MAML3: variants seen among roughly 807,000 people sequenced by gnomAD.
MAML3 encodes the protein mastermind like transcriptional coactivator 3.
Under a neutral mutation model 101.9 loss-of-function variants are expected in MAML3, and 27 were observed. The observed-to-expected ratio is 0.27, with a 90% confidence interval of 0.20 to 0.37. The LOEUF (loss-of-function observed/expected upper bound fraction) is 0.37. Among genes scored for constraint, MAML3 ranks in the 10% least tolerant of loss-of-function variants. The pLI is 1.00. For synonymous variants in MAML3, 501 were observed against 555.9 expected, an observed-to-expected ratio of 0.90 and a Z score of 1.39; for missense variants, 1,316 against 1,444.9, an observed-to-expected ratio of 0.91 and a Z score of 1.45.
intron 1 of MAML3, among the ~76,000 whole-genome samples, chr4:140,136,294 TA>T (rs1158857914): frequency 1.3e-5 from 2 of 152,254 alleles, no homozygotes; most frequent in East Asian, 3.9e-4. Flanking sequence ...GAAATTCCCC[TA>T]AAAAGCCTCC....
intron 1 of MAML3, among the ~76,000 whole-genome samples, chr4:140,115,077 T>G (rs1175881679): frequency 1.3e-5 from 2 of 152,198 alleles, no homozygotes; most frequent in Non-Finnish European, 2.9e-5. Flanking sequence ...ACATGAAGTC[T>G]CATTTTAATA....
intron 2 of MAML3, among the ~76,000 whole-genome samples, chr4:139,770,585 C>T (rs968286738): frequency 2.0e-5 from 3 of 152,096 alleles, no homozygotes; most frequent in Admixed American, 6.5e-5. Flanking sequence ...TGTCAGAGGG[C>T]GAGGCAGGCG....
chr4:139,832,338 C>T (rs1274580019), intron 2 of MAML3, among the ~76,000 whole-genome samples: 1 of 149,956 alleles, frequency 6.7e-6, no homozygotes, highest in African/African-American at 2.5e-5. Flanking sequence ...TCTTGAAGTC[C>T]TGACCTCAGG....
chr4:139,937,373 A>C (rs1210916323), intron 1 of MAML3, among the ~76,000 whole-genome samples: 1 of 152,140 alleles, frequency 6.6e-6, no homozygotes, highest in Admixed American at 6.5e-5. Flanking sequence ...TCTGGTCTAG[A>C]CAATGATCTA....
chr4:139,749,893 C>G (rs1023010726), intron 2 of MAML3, among the ~76,000 whole-genome samples: 1 of 141,132 alleles, frequency 7.1e-6, no homozygotes, highest in African/African-American at 2.6e-5. Context: ...GAACCCCCCC[C>G]CACCCTATTC....
intron 1 of MAML3, among the ~76,000 whole-genome samples, chr4:140,114,783 A>G (rs991298557): frequency 6.6e-6 from 1 of 152,226 alleles, no homozygotes; most frequent in Non-Finnish European, 1.5e-5. Flanking sequence ...GCCAGAACTT[A>G]TATCTGTGAA....
chr4:139,927,101 T>A (rs1417961274), intron 1 of MAML3, among the ~76,000 whole-genome samples: 1 of 151,566 alleles, frequency 6.6e-6, no homozygotes, highest in Admixed American at 6.6e-5. Flanking sequence ...TTTTTGTACT[T>A]TTCGTAGAGA....
At chr4:139,920,802 ACTGT>A (rs977930975) in intron 1 of MAML3, among the ~76,000 whole-genome samples, 2 of 152,160 alleles carry the variant, frequency 1.3e-5, no homozygotes, top group Admixed American at 6.5e-5. Context: ...CCGCAGGATG[ACTGT>A]CTGGGGTGAG....
chr4:140,106,933 T>A (rs1370222716), intron 1 of MAML3, among the ~76,000 whole-genome samples: 2 of 152,196 alleles, frequency 1.3e-5, no homozygotes, highest in African/African-American at 2.4e-5. Flanking sequence ...TGCAATGGCA[T>A]GATCTCGGCT....
At chr4:139,902,995 T>A (rs1281404733) in intron 1 of MAML3, among the ~76,000 whole-genome samples, 1 of 152,148 alleles carries the variant, frequency 6.6e-6, no homozygotes, top group Non-Finnish European at 1.5e-5. Flanking sequence ...GAAAGTCCAA[T>A]GAGCAGTGAA....
At position 140,145,635 on chromosome 4, in the gene MAML3, A is replaced by G. The variant is rs187109353; in HGVS notation, c.468+7225T>C. Among the ~76,000 whole-genome samples, 47 of 152,000 alleles carry G rather than the reference A, an allele frequency of 3.1e-4. No individual in the cohort carries two copies. In the East Asian group the frequency reaches 7.4e-3, roughly 24 times the overall value. On this transcript the variant is annotated intron_variant, in intron 1 of 4. Coordinates refer to ENST00000509479, the MANE Select transcript of MAML3 (RefSeq NM_018717.5). Reference sequence around the variant, plus strand: ...GGCTGGAGTGTAGTGGCACGATCTCAGCTCACTGCAAACTCTGCCACCCTG... The same window carrying G: ...GGCTGGAGTGTAGTGGCACGATCTCGGCTCACTGCAAACTCTGCCACCCTG...
intron 1 of MAML3, among the ~76,000 whole-genome samples, chr4:140,048,048 C>T (rs1220642214): frequency 6.6e-6 from 1 of 152,114 alleles, no homozygotes; most frequent in East Asian, 1.9e-4. Context: ...TTTACGAAGA[C>T]ATTTTAGTTT....
chr4:139,867,797 A>G (rs746196899), intron 2 of MAML3, among the ~76,000 whole-genome samples: 8 of 152,260 alleles, frequency 5.3e-5, no homozygotes, highest in Non-Finnish European at 1.2e-4. Flanking sequence ...AGGATAGCTA[A>G]TAACTTACTG....
At chr4:140,114,205 C>G (rs895151973) in intron 1 of MAML3, among the ~76,000 whole-genome samples, 3 of 152,210 alleles carry the variant, frequency 2.0e-5, no homozygotes, top group African/African-American at 2.4e-5. Context: ...ATTCCAACTT[C>G]TGTGTGCCAA....
chr4:139,722,399 G>A (rs1486404527), intron 4 of MAML3, among the ~76,000 whole-genome samples: 2 of 152,138 alleles, frequency 1.3e-5, no homozygotes, highest in Non-Finnish European at 2.9e-5. Context: ...AAATTCAGAT[G>A]TGTCCAAGGA....
At chr4:139,814,688 T>A (rs1730865066) in intron 2 of MAML3, among the ~76,000 whole-genome samples, 2 of 151,918 alleles carry the variant, frequency 1.3e-5, no homozygotes, top group Admixed American at 1.3e-4. Flanking sequence ...CACCAAGACT[T>A]GGTAGGCAAT....
intron 1 of MAML3, among the ~76,000 whole-genome samples, chr4:140,053,984 A>T (rs1008842575): frequency 6.6e-6 from 1 of 152,240 alleles, no homozygotes; most frequent in Non-Finnish European, 1.5e-5. Context: ...AAGAAGAGGA[A>T]GTAGAACAAA....
rs957583424 is a variant in MAML3, at chr4:139,890,917, A to C, written c.519T>G (p.Asn173Lys). 1 of 1,613,582 alleles carries C rather than the reference A, an allele frequency of 6.2e-7. No individual in the cohort carries two copies. Among genetic ancestry groups the C allele is most frequent in the African/African-American group, 1.3e-5 (1 of 75,042 alleles). The part of the protein sequence containing the change: ...RKLEGARSPL[N>K]GDQQNGACDG... ...CACAAGCACCATTCTGCTGGTCTCC[A>C]TTAAGTGGTGATCGAGCTCCTTCCA... Residue 173 changes from asparagine (N) to lysine (K), a missense_variant, in exon 2 of 5, where the codon AAT becomes AAG. Asn to Lys is a moderately conservative substitution (Grantham distance 94). Coordinates refer to ENST00000509479, the MANE Select transcript of MAML3 (RefSeq NM_018717.5). The surrounding 1 kb of genome is among the most constrained non-coding windows in gnomAD (Gnocchi z 4.1).
chr4:139,751,742 A>G lies in MAML3; in HGVS notation c.2080-21075T>C, dbSNP rs78893260. ...GGTAGACCTTGTGCCTGGAGGGAGGAGGAAAGAGGACACTGGAATACACTC... is the reference window on the plus strand; with the variant it reads ...GGTAGACCTTGTGCCTGGAGGGAGGGGGAAAGAGGACACTGGAATACACTC... On this transcript the variant is annotated intron_variant, in intron 2 of 4. Transcript: ENST00000509479. Among the ~76,000 whole-genome samples the G allele has an allele frequency of 3.3e-3, 495 of 152,252 alleles. 3 individuals carry two copies. The highest frequency in any genetic ancestry group is 0.011 in the African/African-American group (472 of 41,554).
Sources: gnomAD v4.1 joint callset for allele counts (sites outside exome capture counted in the v4.1 genomes callset) on GRCh38, gnomAD v4.1.1 for gene constraint, Gnocchi (gnomAD v3.1) non-coding constraint, MANE v1.5 for transcripts, NCBI Gene and HGNC (gene_info 2026-07-23, HGNC 2026-07-21) for gene names.